The following SUMF1 variants were observed in gnomAD, a reference collection of about 807,000 sequenced individuals.
SUMF1 encodes the protein formylglycine-generating enzyme.
SUMF1 carries 48 observed loss-of-function variants against 47.6 expected under a neutral mutation model. The observed-to-expected ratio is 1.01, with a 90% CI of 0.80 to 1.28. The LOEUF is 1.28. Ranked by LOEUF, SUMF1 falls within the 50% of genes most tolerant of loss-of-function variation. The pLI is 0.00. For missense variants in SUMF1, 571 were observed against 485.4 expected (o/e 1.18, Z -1.66); for synonymous variants, 230 against 192.1 (o/e 1.20, Z -1.63).
intron 8 of SUMF1, among the ~76,000 whole-genome samples, chr3:4,330,228 C>A (rs994242831): frequency 6.6e-6 from 1 of 152,210 alleles, no homozygotes; most frequent in African/African-American, 2.4e-5. Context: ...CTGCCTGTTA[C>A]CCAGTTCCAA....
At chr3:4,306,738 C>T (rs1051336859) in intron 8 of SUMF1, among the ~76,000 whole-genome samples, 1 of 152,242 alleles carries the variant, frequency 6.6e-6, no homozygotes, top group Non-Finnish European at 1.5e-5. Context: ...CAAACCCTGC[C>T]TTCACAGGCA....
At chr3:4,322,737 A>ATTGG (rs1301129397) in intron 8 of SUMF1, among the ~76,000 whole-genome samples, 5 of 152,042 alleles carry the variant, frequency 3.3e-5, no homozygotes, top group African/African-American at 1.2e-4. Flanking sequence ...AGCCTCATAT[A>ATTGG]TTGGTTGGTT....
intron 8 of SUMF1, among the ~76,000 whole-genome samples, chr3:4,073,698 G>A (rs1238259699): frequency 2.0e-5 from 3 of 152,146 alleles, no homozygotes; most frequent in African/African-American, 7.2e-5. Context: ...CCTAGTCTCT[G>A]AGAAAACACA....
chr3:4,215,478 C>T (rs1026059224), intron 8 of SUMF1, among the ~76,000 whole-genome samples: 2 of 152,100 alleles, frequency 1.3e-5, no homozygotes, highest in African/African-American at 4.8e-5. Context: ...CTTTTGAAAA[C>T]CAGCACAAGG....
At chr3:4,216,741 C>T (rs978013219) in intron 8 of SUMF1, among the ~76,000 whole-genome samples, 1 of 152,170 alleles carries the variant, frequency 6.6e-6, no homozygotes, top group East Asian at 1.9e-4. Context: ...GACATTTATG[C>T]AGTCAACAAA....
intron 7 of SUMF1, among the ~76,000 whole-genome samples, chr3:4,398,389 C>T (rs950674961): frequency 1.3e-5 from 2 of 152,074 alleles, no homozygotes; most frequent in African/African-American, 4.8e-5. Flanking sequence ...AAGGCATCCA[C>T]ACATCCACAT....
intron 8 of SUMF1, among the ~76,000 whole-genome samples, chr3:4,118,210 C>G (rs1359288866): frequency 6.6e-6 from 1 of 151,924 alleles, no homozygotes; most frequent in Non-Finnish European, 1.5e-5. Context: ...AGCTTTGCCT[C>G]TCTTTATTTA....
chr3:4,457,497 A>C (rs979347911), intron 1 of SUMF1, among the ~76,000 whole-genome samples: 2 of 152,224 alleles, frequency 1.3e-5, no homozygotes, highest in African/African-American at 2.4e-5. Context: ...ACTTCAAAAT[A>C]TACTACAAAC....
At chr3:4,441,666 CA>C (rs1406643319) in intron 3 of SUMF1, among the ~76,000 whole-genome samples, 2 of 152,104 alleles carry the variant, frequency 1.3e-5, no homozygotes, top group African/African-American at 4.8e-5. Context: ...ATTAAACGTC[CA>C]AATAATAATC....
chr3:4,087,324 C>CA (rs1390083730), intron 8 of SUMF1, among the ~76,000 whole-genome samples: 28 of 152,134 alleles, frequency 1.8e-4, no homozygotes, highest in Non-Finnish European at 3.8e-4. Context: ...TACCATGCAG[C>CA]ATGCCTTCTT....
At chr3:4,073,373 G>A (rs1054856767) in intron 8 of SUMF1, among the ~76,000 whole-genome samples, 6 of 152,114 alleles carry the variant, frequency 3.9e-5, no homozygotes, top group Admixed American at 1.3e-4. Context: ...ACCAGCCACT[G>A]CAAAAACATG....
At chr3:4,230,502 C>A (rs892939187) in intron 8 of SUMF1, among the ~76,000 whole-genome samples, 2 of 152,052 alleles carry the variant, frequency 1.3e-5, no homozygotes, top group Admixed American at 6.6e-5. Context: ...GAAAGCCAGA[C>A]GGAAAAGGCA....
At position 4,353,055 on chromosome 3, in the gene SUMF1, G is replaced by A. The variant is rs868452127; in HGVS notation, c.1014+23275C>T. 4.1e-4 allele frequency among the ~76,000 whole-genome samples: 62 copies of A among 152,186 alleles called. 1 individual carries two copies. Among genetic ancestry groups the A allele is most frequent in the African/African-American group, 1.5e-3 (61 of 41,534 alleles). ...CCTTTACACTCCTAGAAATCATTGAGGACCCCACAGAATTTCTGTAATGTG... is the reference window on the plus strand; with the variant it reads ...CCTTTACACTCCTAGAAATCATTGAAGACCCCACAGAATTTCTGTAATGTG... On this transcript the variant is annotated intron_variant and NMD_transcript_variant, in intron 8 of 12. Coordinates refer to the SUMF1 transcript ENST00000448413.
At chr3:4,344,748 C>A (rs1231999678) in intron 8 of SUMF1, among the ~76,000 whole-genome samples, 1 of 152,008 alleles carries the variant, frequency 6.6e-6, no homozygotes, top group Non-Finnish European at 1.5e-5. Context: ...GCTAAAGGAA[C>A]ATGTTCTAAC....
intron 8 of SUMF1, among the ~76,000 whole-genome samples, chr3:4,290,245 G>A (rs1453786262): frequency 3.3e-5 from 5 of 152,072 alleles, no homozygotes; most frequent in South Asian, 2.1e-4. Context: ...CTATGTACTC[G>A]TTATAACTTG....
At chr3:4,384,472 C>G (rs1700606283) in intron 7 of SUMF1, among the ~76,000 whole-genome samples, 1 of 152,214 alleles carries the variant, frequency 6.6e-6, no homozygotes, top group Non-Finnish European at 1.5e-5. Context: ...ACGACCACTT[C>G]CTTCCCAACC....
chr3:4,064,036 T>A (rs1405199956), intron 9 of SUMF1, among the ~76,000 whole-genome samples: 1 of 152,082 alleles, frequency 6.6e-6, no homozygotes, highest in African/African-American at 2.4e-5. Flanking sequence ...GAGGGTGAGA[T>A]AATGGCCCTG....
intron 8 of SUMF1, among the ~76,000 whole-genome samples, chr3:4,273,772 GGGAGGGGAGGATAC>G (rs1697355293): frequency 5.2e-5 from 6 of 115,644 alleles, no homozygotes; most frequent in Non-Finnish European, 9.1e-5. Context: ...GGGAGGATAC[GGGAGGGGAGGATAC>G]GGGAGGGGAG....
At position 4,326,522 on chromosome 3, in the gene SUMF1, G is replaced by GT. The variant is rs35648890; in HGVS notation, c.1014+49807dup. The stretch of plus-strand genomic sequence containing the variant: ...ATGTACAAGGCCAGTTTTTCCAAGG[G>GT]TTTTTTTTTTTTTGAGATAGATCCT... On this transcript the variant is annotated intron_variant and NMD_transcript_variant, in intron 8 of 12. Transcript: ENST00000448413. 8.8e-3 allele frequency among the ~76,000 whole-genome samples: 1,130 copies of GT among 128,570 alleles called. 20 individuals carry two copies. Among genetic ancestry groups the GT allele is most frequent in the South Asian group, 0.053 (220 of 4,190 alleles). The allele number at this position is 128,570 out of a possible 152,430, so 84.3% of individuals were successfully genotyped here.
Sources: gnomAD v4.1 joint callset for allele counts (sites outside exome capture counted in the v4.1 genomes callset) on GRCh38, gnomAD v4.1.1 for gene constraint, MANE v1.5 for transcripts, NCBI Gene and HGNC (gene_info 2026-07-23, HGNC 2026-07-21) for gene names.